Variants in GRAMD1B observed in about 807,000 individuals in gnomAD.
GRAMD1B encodes protein Aster-B.
In GRAMD1B, 37 loss-of-function variants were observed where a neutral mutation model predicts 99.7. The observed-to-expected ratio is 0.37, with a 90% CI of 0.29 to 0.49. GRAMD1B has a LOEUF of 0.49. Ranked by LOEUF, GRAMD1B falls within the 20% of genes least tolerant of loss-of-function variation. The probability of loss-of-function intolerance (pLI) is 0.98; values close to 1 mark genes in which losing one functional copy is unlikely to be tolerated. For synonymous variants in GRAMD1B, 427 were observed against 387.6 expected (o/e 1.10, Z -1.19); for missense variants, 888 against 1,009.2 (o/e 0.88, Z 1.63).
intron 2 of GRAMD1B, among the ~76,000 whole-genome samples, chr11:123,524,842 T>C (rs943034823): frequency 9.2e-5 from 14 of 152,218 alleles, no homozygotes; most frequent in African/African-American, 3.4e-4. Flanking sequence ...TTAATCTCTT[T>C]GTTCGTTGTC....
chr11:123,487,376 G>A (rs1937943340), intron 2 of GRAMD1B, among the ~76,000 whole-genome samples: 1 of 152,124 alleles, frequency 6.6e-6, no homozygotes, highest in African/African-American at 2.4e-5. Context: ...GCAAGCCAGG[G>A]AACAAGATGT....
intron 2 of GRAMD1B, among the ~76,000 whole-genome samples, chr11:123,544,217 A>G (rs779568346): frequency 5.3e-5 from 8 of 152,196 alleles, no homozygotes; most frequent in Non-Finnish European, 1.0e-4. Flanking sequence ...CTAATAACAG[A>G]CAGTATTTGT....
intron 2 of GRAMD1B, among the ~76,000 whole-genome samples, chr11:123,495,116 C>G (rs1273391749): frequency 1.3e-5 from 2 of 148,416 alleles, no homozygotes; most frequent in Non-Finnish European, 3.0e-5. Context: ...TATATACATA[C>G]ACACACACAC....
intron 1 of GRAMD1B, among the ~76,000 whole-genome samples, chr11:123,418,441 T>C (rs1267340526): frequency 6.6e-6 from 1 of 152,202 alleles, no homozygotes; most frequent in East Asian, 1.9e-4. Flanking sequence ...TAAGAGTTGA[T>C]AGATAAGCTG....
intron 2 of GRAMD1B, among the ~76,000 whole-genome samples, chr11:123,534,433 T>A (rs1943737272): frequency 6.6e-6 from 1 of 152,100 alleles, no homozygotes; most frequent in Non-Finnish European, 1.5e-5. Context: ...TGTTCAGGGG[T>A]CACTTGTACA....
chr11:123,554,359 A>T (rs1431585416), intron 2 of GRAMD1B, among the ~76,000 whole-genome samples: 1 of 152,056 alleles, frequency 6.6e-6, no homozygotes, highest in East Asian at 1.9e-4. Flanking sequence ...ATAAGACAGA[A>T]ACCACACCAA....
chr11:123,375,736 A>T (rs928296704), intron 1 of GRAMD1B, among the ~76,000 whole-genome samples: 42 of 152,212 alleles, frequency 2.8e-4, no homozygotes, highest in African/African-American at 5.5e-4. Context: ...CAGGGAGGTG[A>T]TGTGAACAAA....
At chr11:123,524,158 A>G (rs1942459674) in intron 2 of GRAMD1B, among the ~76,000 whole-genome samples, 2 of 152,024 alleles carry the variant, frequency 1.3e-5, no homozygotes, top group Non-Finnish European at 2.9e-5. Flanking sequence ...ATAGTACCCT[A>G]CAATCCCCAA....
chr11:123,532,831 G>A (rs567685200), intron 2 of GRAMD1B, among the ~76,000 whole-genome samples: 3 of 152,186 alleles, frequency 2.0e-5, no homozygotes, highest in Admixed American at 6.5e-5. Flanking sequence ...CAATGATCAC[G>A]TTCATGCTAC....
chr11:123,498,241 C>T (rs1292401729), intron 2 of GRAMD1B, among the ~76,000 whole-genome samples: 1 of 152,210 alleles, frequency 6.6e-6, no homozygotes, highest in Non-Finnish European at 1.5e-5. Flanking sequence ...TGTGGTCAAG[C>T]TTGTACTTAA....
At chr11:123,391,261 A>G (rs1453513314) in intron 1 of GRAMD1B, among the ~76,000 whole-genome samples, 1 of 150,604 alleles carries the variant, frequency 6.6e-6, no homozygotes, top group Admixed American at 6.6e-5. Flanking sequence ...CAACTTCTTT[A>G]CCCCATACCC....
chr11:123,493,854 T>A (rs1346031560), intron 2 of GRAMD1B, among the ~76,000 whole-genome samples: 1 of 152,194 alleles, frequency 6.6e-6, no homozygotes, highest in Non-Finnish European at 1.5e-5. Flanking sequence ...TCTTCCTCCC[T>A]GTTAGTGACT....
At chr11:123,553,588 G>A (rs116377300) in intron 2 of GRAMD1B, among the ~76,000 whole-genome samples, 84 of 152,264 alleles carry the variant, frequency 5.5e-4, no homozygotes, top group African/African-American at 1.9e-3. Flanking sequence ...TTTTAATTAC[G>A]TAGACATCAC....
intron 1 of GRAMD1B, among the ~76,000 whole-genome samples, chr11:123,469,703 TTTC>T (rs1401143048): frequency 1.3e-5 from 2 of 151,800 alleles, no homozygotes; most frequent in African/African-American, 4.8e-5. Flanking sequence ...TCCCTTTCTC[TTTC>T]TTTTCTTTCT....
At chr11:123,480,709 T>C (rs1668875083) in intron 1 of GRAMD1B, 107 bp from the exon 2 acceptor site, 3 of 396,422 alleles carry the variant, frequency 7.6e-6, no homozygotes, top group Middle Eastern at 6.3e-4. Flanking sequence ...CTTGTATCTT[T>C]AAAATTTTGT....
chr11:123,567,948 A>T (rs892174287), intron 2 of GRAMD1B, among the ~76,000 whole-genome samples: 4 of 152,178 alleles, frequency 2.6e-5, no homozygotes, highest in African/African-American at 9.7e-5. Flanking sequence ...TTCATCAACA[A>T]CCAAAGTCAG....
chr11:123,594,337 AG>A (rs1951009908), intron 5 of GRAMD1B, among the ~76,000 whole-genome samples, 171 bp downstream of exon 5: 1 of 152,212 alleles, frequency 6.6e-6, no homozygotes, highest in African/African-American at 2.4e-5. Flanking sequence ...GCTGAGTATC[AG>A]GCTTGTGGCA....
At chr11:123,420,613 T>C (rs986029020) in intron 1 of GRAMD1B, among the ~76,000 whole-genome samples, 4 of 152,206 alleles carry the variant, frequency 2.6e-5, no homozygotes, top group African/African-American at 7.2e-5. Context: ...CAAAGGGTAT[T>C]GGTTTGCTGA....
rs142466083 is a variant in GRAMD1B at position 123,594,909 on chromosome 11, C to T, written c.873+71C>T. On this transcript the variant is annotated intron_variant, in intron 6 of 19. Transcript: ENST00000635736. ...CTGAGCAAGCTGCCCTCGCTTTCTTCCTTTTGCTGACTTCATGCTCTTCCC... is the reference window on the plus strand; with the variant it reads ...CTGAGCAAGCTGCCCTCGCTTTCTTTCTTTTGCTGACTTCATGCTCTTCCC... 4.9e-3 allele frequency: 3,946 copies of T among 810,162 alleles called. 42 individuals carry two copies. The highest frequency in any genetic ancestry group is 0.019 in the Admixed American group (1,105 of 57,262). The allele number at this position is 810,162 out of a possible 1,614,324, so 50.2% of individuals were successfully genotyped here. A position where few individuals can be genotyped will look rare whatever the true frequency, so the allele number is the denominator to read the frequency against.
Sources: allele counts gnomAD v4.1 joint callset (sites outside exome capture counted in the v4.1 genomes callset), GRCh38; gene constraint gnomAD v4.1.1; transcripts MANE v1.5; gene names NCBI Gene and HGNC (gene_info 2026-07-23, HGNC 2026-07-21).